Variants in MAP3K5 observed in about 807,000 individuals in gnomAD.
MAP3K5 encodes the protein mitogen-activated protein kinase kinase kinase 5, also known as ASK-1.
MAP3K5 carries 56 observed loss-of-function variants against 158.7 expected under a neutral mutation model. The observed-to-expected ratio is 0.35, with a 90% confidence interval of 0.28 to 0.44. The LOEUF (loss-of-function observed/expected upper bound fraction) is 0.44. Among genes scored for constraint, MAP3K5 ranks in the 20% least tolerant of loss-of-function variants. The pLI is 1.00. For synonymous variants in MAP3K5, 579 were observed against 601.7 expected (o/e 0.96, Z 0.55); for missense variants, 1,294 against 1,674.8 (o/e 0.77, Z 3.97).
At chr6:136,623,096 C>A in intron 14 of MAP3K5, 115 bp from the exon 15 acceptor site, 1 of 920,878 alleles carries the variant, frequency 1.1e-6, no homozygotes, top group Non-Finnish European at 1.7e-6. Context: ...CATTAACAGG[C>A]TGAAGTTCTA....
chr6:136,791,676 A>C, intron 1 of MAP3K5, 34 bp downstream of exon 1: 5 of 1,601,712 alleles, frequency 3.1e-6, no homozygotes, highest in South Asian at 1.1e-5. Context: ...GCGGGTCCCG[A>C]CCGCGCGGGA....
rs1285193403 is a variant in MAP3K5, at chr6:136,770,072, T to C, written c.448+21638A>G. On this transcript the variant is annotated intron_variant, in intron 1 of 29. Coordinates refer to ENST00000359015, the MANE Select transcript of MAP3K5 (RefSeq NM_005923.4). ...CTTCCTGCAATGGAAGGGGAGACCA[T>C]GTTCAAAATAGGTTTCAAAATATTT... Among the ~76,000 whole-genome samples the C allele has an allele frequency of 3.9e-5, 6 of 152,270 alleles. No individual in the cohort carries two copies. The East Asian group carries it at 1.2e-3, about 29-fold the overall frequency.
intron 25 of MAP3K5, among the ~76,000 whole-genome samples, chr6:136,575,161 ATTTTT>A (rs60443578): frequency 7.8e-6 from 1 of 127,408 alleles, no homozygotes; most frequent in African/African-American, 3.0e-5. Context: ...ATACAATACT[ATTTTT>A]TTTTTTTTTT....
chr6:136,593,640 C>T (rs1323609164), intron 21 of MAP3K5: 2 of 378,782 alleles, frequency 5.3e-6, no homozygotes, highest in Non-Finnish European at 1.0e-5. Context: ...TTCTCAGCCT[C>T]ACTCCTAATG....
intron 1 of MAP3K5, among the ~76,000 whole-genome samples, chr6:136,730,404 A>T (rs72981663): frequency 0.013 from 1,995 of 151,922 alleles, 16 homozygotes; most frequent in Non-Finnish European, 0.019. Context: ...ACCTCAGCAG[A>T]GAGATAAAAA....
intron 14 of MAP3K5, among the ~76,000 whole-genome samples, chr6:136,625,725 G>A (rs1292079270): frequency 6.6e-6 from 1 of 152,086 alleles, no homozygotes. Flanking sequence ...AATTCTTACT[G>A]ATAATGCACC....
Position 136,739,450 on chromosome 6 carries a change from G to T in MAP3K5, c.449-18861C>A, listed in dbSNP as rs181399396. ...CTAGAGAGTGGGCCATGGGTCAGGG[G>T]GACATTCACCCCTCACTCCCACCCC... On this transcript the variant is annotated intron_variant, in intron 1 of 29. Transcript: ENST00000359015. Among the ~76,000 whole-genome samples the T allele has an allele frequency of 3.9e-5, 6 of 152,212 alleles. No individual in the cohort carries two copies. In the East Asian group the frequency reaches 1.2e-3, roughly 29 times the overall value.
At chr6:136,720,152 T>C (rs962709114) in intron 2 of MAP3K5, among the ~76,000 whole-genome samples, 9 of 152,148 alleles carry the variant, frequency 5.9e-5, no homozygotes, top group Admixed American at 3.9e-4. Context: ...GGCTTGACCA[T>C]ACCTTATGCA....
chr6:136,720,645 G>A, intron 1 of MAP3K5, 56 bp from the exon 2 acceptor site: 4 of 1,372,010 alleles, frequency 2.9e-6, no homozygotes, highest in African/African-American at 1.5e-5. Context: ...TGCCCAATCA[G>A]CACATTTTGG....
intron 19 of MAP3K5, among the ~76,000 whole-genome samples, chr6:136,602,865 G>A (rs1317685306): frequency 6.6e-6 from 1 of 152,070 alleles, no homozygotes; most frequent in Non-Finnish European, 1.5e-5. Flanking sequence ...TATCTTCCCT[G>A]TCTCAAATCA....
intron 1 of MAP3K5, among the ~76,000 whole-genome samples, chr6:136,732,403 T>G (rs1782267269): frequency 6.6e-6 from 1 of 152,088 alleles, no homozygotes; most frequent in South Asian, 2.1e-4. Flanking sequence ...CCAGCCTGGG[T>G]GACAGAGCGA....
At chr6:136,606,126 A>G (rs1776088069) in intron 18 of MAP3K5, among the ~76,000 whole-genome samples, 1 of 152,130 alleles carries the variant, frequency 6.6e-6, no homozygotes, top group Non-Finnish European at 1.5e-5. Context: ...GCCAAGGCAG[A>G]CGGATCACGA....
At chr6:136,659,481 T>C in intron 8 of MAP3K5, 103 bp from the exon 9 acceptor site, 1 of 1,048,802 alleles carries the variant, frequency 9.5e-7, no homozygotes, top group East Asian at 2.4e-5. Context: ...TCTTTTCAGA[T>C]TAAAACAGCT....
chr6:136,659,059 G>C (rs192909304), intron 9 of MAP3K5, among the ~76,000 whole-genome samples, 160 bp downstream of exon 9: 153 of 152,294 alleles, frequency 1.0e-3, no homozygotes, highest in African/African-American at 3.6e-3. Flanking sequence ...CATCAGAATT[G>C]ATGTGTAACA....
intron 26 of MAP3K5, 40 bp downstream of exon 26, chr6:136,567,591 T>TAAAAG: frequency 3.2e-6 from 5 of 1,563,464 alleles, no homozygotes; most frequent in Non-Finnish European, 3.5e-6. Flanking sequence ...TTAGTAAAAG[T>TAAAAG]AAAAGAAAAG....
chr6:136,622,228 G>A (rs1317131322), intron 15 of MAP3K5, among the ~76,000 whole-genome samples: 1 of 152,154 alleles, frequency 6.6e-6, no homozygotes, highest in Non-Finnish European at 1.5e-5. Context: ...AGCCCTCAGT[G>A]ACTGGGTCCC....
At chr6:136,750,489 C>T (rs1307639084) in intron 1 of MAP3K5, among the ~76,000 whole-genome samples, 2 of 152,198 alleles carry the variant, frequency 1.3e-5, no homozygotes, top group East Asian at 3.9e-4. Context: ...TTTTGCAGGA[C>T]TGCTGAGAAC....
At chr6:136,689,048 C>A (rs111754802) in intron 7 of MAP3K5, among the ~76,000 whole-genome samples, 2,903 of 152,100 alleles carry the variant, frequency 0.019, 93 homozygotes, top group African/African-American at 0.066. Context: ...GCCTATAATC[C>A]CATCATTCTG....
chr6:136,660,816 T>G (rs1475848258), intron 8 of MAP3K5, among the ~76,000 whole-genome samples: 1 of 152,232 alleles, frequency 6.6e-6, no homozygotes, highest in East Asian at 1.9e-4. Context: ...CATTATGTAC[T>G]ACTTATTAAA....
Sources: allele counts gnomAD v4.1 joint callset (sites outside exome capture counted in the v4.1 genomes callset), GRCh38; gene constraint gnomAD v4.1.1; transcripts MANE v1.5; gene names NCBI Gene and HGNC (gene_info 2026-07-23, HGNC 2026-07-21).